Variants in UBE2D3 observed in about 807,000 individuals in gnomAD.
UBE2D3 encodes ubiquitin-conjugating enzyme E2 D3.
A neutral mutation model predicts 22.8 loss-of-function variants in UBE2D3; 2 were observed. The observed-to-expected ratio is 0.09, with a 90% CI of 0.04 to 0.28. The LOEUF (loss-of-function observed/expected upper bound fraction) is 0.28, where lower values mean the gene tolerates loss of function less well. Among genes scored for constraint, UBE2D3 ranks in the 10% least tolerant of loss-of-function variants. The pLI, the probability that UBE2D3 is intolerant of heterozygous loss-of-function variation, is 1.00. For synonymous variants in UBE2D3, 56 were observed against 60.4 expected (o/e 0.93, Z 0.34); for missense variants, 27 against 182.5 (o/e 0.15, Z 4.91).
At chr4:102,837,058 G>A (rs1031581858) in intron 1 of UBE2D3, 3 of 152,066 alleles carry the variant, frequency 2.0e-5, no homozygotes, top group Non-Finnish European at 4.4e-5. Context: ...TGGGTTTTTG[G>A]GTGAAACCTG....
upstream of UBE2D3, among the ~76,000 whole-genome samples, chr4:102,829,882 T>A (rs1293544905): frequency 6.6e-6 from 1 of 151,990 alleles, no homozygotes; most frequent in Non-Finnish European, 1.5e-5. Flanking sequence ...GAGGTTGCGG[T>A]GGGCCAAGAT....
chr4:102,799,292 A>G (rs1725748006), intron 7 of UBE2D3, 115 bp downstream of exon 7: 2 of 819,868 alleles, frequency 2.4e-6, no homozygotes, highest in Admixed American at 2.9e-5. Flanking sequence ...AGCTTTCTCC[A>G]TATTTTAACT....
chr4:102,819,878 TGA>T (rs1051803725), intron 2 of UBE2D3, among the ~76,000 whole-genome samples: 15 of 152,248 alleles, frequency 9.9e-5, no homozygotes, highest in African/African-American at 2.9e-4. Flanking sequence ...GTATTCTATT[TGA>T]GAGTCTATTT....
intron 4 of UBE2D3, chr4:102,809,348 T>G: frequency 3.4e-6 from 1 of 292,864 alleles, no homozygotes; most frequent in South Asian, 3.6e-5. Context: ...TCAGAGCCAG[T>G]AACTTTGTCT....
intron 2 of UBE2D3, chr4:102,810,817 T>C (rs1489748720): frequency 6.6e-6 from 1 of 152,008 alleles, no homozygotes; most frequent in Non-Finnish European, 1.5e-5. Flanking sequence ...TACAGCTCCA[T>C]CTTACCAATG....
chr4:102,800,990 C>T lies in UBE2D3; in HGVS notation c.304+464G>A, dbSNP rs189731737. On this transcript the variant is annotated intron_variant, in intron 6 of 7. Coordinates refer to ENST00000453744, the MANE Select transcript of UBE2D3 (RefSeq NM_181891.3). The stretch of plus-strand genomic sequence containing the variant: ...TAGACTGTCATTAGGTAGAAACAAC[C>T]TATCATGGTTACATAAAACATGACT... 2.0e-3 allele frequency among the ~76,000 whole-genome samples: 305 copies of T among 152,034 alleles called. 2 individuals are homozygous for T. The highest frequency in any genetic ancestry group is 3.3e-3 in the Non-Finnish European group (226 of 67,872).
At chr4:102,802,527 TCTATA>T (rs759484381) in intron 5 of UBE2D3, 29 bp downstream of exon 5, 2 of 1,548,324 alleles carry the variant, frequency 1.3e-6, no homozygotes, top group Non-Finnish European at 1.8e-6. Context: ...AAAGCATAAA[TCTATA>T]CTAACAGATT....
intron 1 of UBE2D3, among the ~76,000 whole-genome samples, chr4:102,838,288 T>C (rs1239028666): frequency 6.6e-6 from 1 of 152,214 alleles, no homozygotes; most frequent in Admixed American, 6.5e-5. Context: ...TGGTTATGTC[T>C]ATTGTATCTG....
intron 5 of UBE2D3, 40 bp downstream of exon 5, chr4:102,802,521 C>CT: frequency 6.6e-7 from 1 of 1,509,870 alleles, no homozygotes; most frequent in East Asian, 2.3e-5. Flanking sequence ...TGAAATAAAG[C>CT]ATAAATCTAT....
chr4:102,795,071 T>TG lies in UBE2D3; in HGVS notation c.*2343dup, dbSNP rs1476706032. 1 of 152,076 alleles carries TG rather than the reference T, an allele frequency of 6.6e-6. No homozygotes were observed. The highest frequency in any genetic ancestry group is 1.5e-5 in the Non-Finnish European group (1 of 67,934). 9.4% of individuals were successfully genotyped at this position (152,076 alleles called of 1,614,324 possible). A position where few individuals can be genotyped will look rare whatever the true frequency, so the allele number is the denominator to read the frequency against. ...CCAGTGTCCATACATTCAAAAATGT[T>TG]GGTTTTCCAGGTACTTTACTGTTCT... On this transcript the variant is annotated 3_prime_UTR_variant, in exon 8 of 8. Coordinates refer to ENST00000453744, the MANE Select transcript of UBE2D3 (RefSeq NM_181891.3).
At chr4:102,825,748 C>A in intron 2 of UBE2D3, 1 of 485,938 alleles carries the variant, frequency 2.1e-6, no homozygotes, top group Non-Finnish European at 3.9e-6. Flanking sequence ...TGCCATCGCA[C>A]CCCTTATCCA....
chr4:102,852,422 G>GTA (rs1431247261), intron 1 of UBE2D3, among the ~76,000 whole-genome samples: 2 of 152,126 alleles, frequency 1.3e-5, no homozygotes, highest in Admixed American at 6.5e-5. Flanking sequence ...ATATGTTCAT[G>GTA]TATATATATA....
chr4:102,826,388 T>G, intron 2 of UBE2D3, 97 bp downstream of exon 2: 1 of 1,459,464 alleles, frequency 6.9e-7, no homozygotes, highest in Non-Finnish European at 9.5e-7. Flanking sequence ...CCAAGAGGTA[T>G]TTTCAGAATT....
chr4:102,844,974 A>G (rs1264804297), intron 1 of UBE2D3, among the ~76,000 whole-genome samples: 3 of 149,624 alleles, frequency 2.0e-5, no homozygotes, highest in Non-Finnish European at 4.4e-5. Context: ...GTGAGCCGAG[A>G]TCGCGCCACT....
chr4:102,827,353 C>T, intron 1 of UBE2D3, 74 bp downstream of exon 1: 1 of 983,546 alleles, frequency 1.0e-6, no homozygotes, highest in Non-Finnish European at 1.2e-6. Context: ...CCAGGTCCCG[C>T]ACTGCCCCTC....
At chr4:102,854,986 G>A (rs1200993157) in intron 1 of UBE2D3, among the ~76,000 whole-genome samples, 1 of 152,190 alleles carries the variant, frequency 6.6e-6, no homozygotes, top group Non-Finnish European at 1.5e-5. Context: ...AGGGTCTGTT[G>A]AAGTGAGTTG....
intron 1 of UBE2D3, among the ~76,000 whole-genome samples, chr4:102,866,308 A>T (rs1019654224): frequency 6.6e-6 from 1 of 152,228 alleles, no homozygotes; most frequent in Non-Finnish European, 1.5e-5. Flanking sequence ...CTACTTGAAA[A>T]TAGCAAACCA....
At chr4:102,821,057 A>G (rs890694709) in intron 2 of UBE2D3, among the ~76,000 whole-genome samples, 1 of 152,166 alleles carries the variant, frequency 6.6e-6, no homozygotes, top group African/African-American at 2.4e-5. Flanking sequence ...TGAGGATACA[A>G]TTCTGAATAA....
chr4:102,835,453 T>C (rs936430793), intron 1 of UBE2D3, among the ~76,000 whole-genome samples: 6 of 152,194 alleles, frequency 3.9e-5, no homozygotes, highest in African/African-American at 1.4e-4. Flanking sequence ...AGGATGACTA[T>C]AATATGAAGT....
Sources: allele counts gnomAD v4.1 joint callset (sites outside exome capture counted in the v4.1 genomes callset), GRCh38; gene constraint gnomAD v4.1.1; transcripts MANE v1.5; gene names NCBI Gene and HGNC (gene_info 2026-07-23, HGNC 2026-07-21).